NUP153: variants seen among roughly 807,000 people sequenced by gnomAD.
The protein encoded by NUP153 is nucleoporin 153, also known as nuclear pore complex protein Nup153.
In NUP153, 27 loss-of-function variants were observed where a neutral mutation model predicts 134.6. The ratio of observed to expected loss-of-function variants is 0.20; its 90% CI spans 0.15 to 0.28. The LOEUF (loss-of-function observed/expected upper bound fraction) is 0.28, where lower values mean the gene tolerates loss of function less well. Ranked by LOEUF, NUP153 falls within the 10% of genes least tolerant of loss-of-function variation. The pLI is 1.00. For missense variants in NUP153, 1,821 were observed against 1,731.3 expected (o/e 1.05, Z -0.92); for synonymous variants, 640 against 623.5 (o/e 1.03, Z -0.40).
chr6:17,619,020 T>C (rs1451973436), intron 20 of NUP153, among the ~76,000 whole-genome samples: 1 of 152,032 alleles, frequency 6.6e-6, no homozygotes, highest in Non-Finnish European at 1.5e-5. Context: ...CAAAAGAGCA[T>C]GCTGCACTCC....
chr6:17,674,854 G>C, intron 5 of NUP153, 51 bp downstream of exon 5: 1 of 1,372,712 alleles, frequency 7.3e-7, no homozygotes, highest in Non-Finnish European at 9.8e-7. Flanking sequence ...TCCAGTTAAA[G>C]TGTAAAAAAA....
chr6:17,621,086 A>G (rs1764621018), intron 20 of NUP153, among the ~76,000 whole-genome samples: 1 of 152,216 alleles, frequency 6.6e-6, no homozygotes, highest in African/African-American at 2.4e-5. Flanking sequence ...TTAAAACACA[A>G]CACACAAATG....
In NUP153 at chr6:17,675,428, A is replaced by C; in HGVS notation, c.584-60T>G. The C allele has an allele frequency of 6.4e-7, 1 of 1,565,204 alleles. No homozygotes were observed. Among genetic ancestry groups the C allele is most frequent in the Non-Finnish European group, 8.7e-7 (1 of 1,155,898 alleles). On this transcript the variant is annotated intron_variant, in intron 3 of 21. Transcript: ENST00000262077. The surrounding 1 kb of genome is among the most constrained non-coding windows in gnomAD (Gnocchi z 4.4). ...CCAATACAAGAGCCTAGATTTTTAT[A>C]AATAGAAAATAAAAATTACAACCAA...
chr6:17,672,327 G>C (rs757540672), intron 5 of NUP153, among the ~76,000 whole-genome samples: 1 of 152,096 alleles, frequency 6.6e-6, no homozygotes, highest in African/African-American at 2.4e-5. Context: ...CTTGTAATCC[G>C]AACACTTTGG....
At chr6:17,647,960 A>T (rs1766294309) in intron 12 of NUP153, 55 bp from the exon 13 acceptor site, 1 of 1,143,952 alleles carries the variant, frequency 8.7e-7, no homozygotes, top group Admixed American at 1.9e-5. Flanking sequence ...AGAAAAATAA[A>T]GTGACAAAAA....
At chr6:17,621,884 A>C (rs1476730172) in intron 20 of NUP153, among the ~76,000 whole-genome samples, 4 of 152,242 alleles carry the variant, frequency 2.6e-5, no homozygotes, top group Non-Finnish European at 5.9e-5. Flanking sequence ...TGGATATCCT[A>C]AATGCCCTAA....
chr6:17,615,950 TAACGA>T lies in NUP153; in HGVS notation c.*142_*146del, dbSNP rs1453559421. ...TGGGTGAGGCAGGGTGGGGCTTCTG[TAACGA>T]AAGAGAAAGGAGGAAAATTCCAAAA... On this transcript the variant is annotated 3_prime_UTR_variant, in exon 22 of 22. Coordinates refer to ENST00000262077, the MANE Select transcript of NUP153 (RefSeq NM_005124.4). This position sits in a 1 kb window ranked among gnomAD's most constrained non-coding sequence, Gnocchi z 5.7. 1 of 550,924 alleles carries T rather than the reference TAACGA, an allele frequency of 1.8e-6. No individual in the cohort carries two copies. Among genetic ancestry groups the T allele is most frequent in the Non-Finnish European group, 3.2e-6 (1 of 314,188 alleles). The allele number at this position is 550,924 out of a possible 1,614,324, so 34.1% of individuals were successfully genotyped here.
In NUP153 at chr6:17,628,004, A is replaced by G. The variant is rs557086602; in HGVS notation, c.3544+651T>C. On this transcript the variant is annotated intron_variant, in intron 18 of 21. Coordinates refer to ENST00000262077, the MANE Select transcript of NUP153 (RefSeq NM_005124.4). This position sits in a 1 kb window ranked among gnomAD's most constrained non-coding sequence, Gnocchi z 5.4. ...TATCCCAAAGGAACTTGTGGATCTA[A>G]CTTGGATCACTCTTTGTACTGGTGC... 2.6e-5 allele frequency among the ~76,000 whole-genome samples: 4 copies of G among 152,340 alleles called. No homozygotes were observed. The East Asian group carries it at 5.8e-4, about 22-fold the overall frequency.
In NUP153 at chr6:17,615,409, A is replaced by G. The variant is rs1764261692; in HGVS notation, c.*688T>C. ...AGTTCACAGATTTATGTTATGCCAA[A>G]AAGTACAGAAACAAAATTGTATTTA... On this transcript the variant is annotated 3_prime_UTR_variant, in exon 22 of 22. Coordinates refer to ENST00000262077, the MANE Select transcript of NUP153 (RefSeq NM_005124.4). This position sits in a 1 kb window ranked among gnomAD's most constrained non-coding sequence, Gnocchi z 5.7. 6.6e-6 allele frequency: 1 copy of G among 152,654 alleles called. No individual in the cohort carries two copies. Among genetic ancestry groups the G allele is most frequent in the African/African-American group, 2.4e-5 (1 of 41,464 alleles). The allele number at this position is 152,654 out of a possible 1,614,324, so 9.5% of individuals were successfully genotyped here.
chr6:17,677,235 C>A (rs1768273120), intron 2 of NUP153, among the ~76,000 whole-genome samples: 1 of 152,134 alleles, frequency 6.6e-6, no homozygotes, highest in Admixed American at 6.6e-5. Flanking sequence ...TAATACAGCA[C>A]AAAACTACAT....
intron 2 of NUP153, among the ~76,000 whole-genome samples, 179 bp downstream of exon 2, chr6:17,688,217 C>G (rs1286875010): frequency 1.3e-5 from 2 of 152,180 alleles, no homozygotes; most frequent in East Asian, 1.9e-4. Context: ...AGTTTATCAA[C>G]CTTCCTTAAT....
intron 1 of NUP153, among the ~76,000 whole-genome samples, 176 bp from the exon 2 acceptor site, chr6:17,688,794 ATTCT>A (rs1298733322): frequency 6.6e-6 from 1 of 152,142 alleles, no homozygotes. Context: ...CAGATGTGAA[ATTCT>A]TTCTTTCTTC....
At position 17,651,744 on chromosome 6, in the gene NUP153, G is replaced by T. The variant is rs1766503390; in HGVS notation, c.1396-2444C>A. ...TAATATTAAAAGGACAAATCACTATGGAGCCATAGAATAAATGTAAAGTGT... is the reference window on the plus strand; with the variant it reads ...TAATATTAAAAGGACAAATCACTATTGAGCCATAGAATAAATGTAAAGTGT... On this transcript the variant is annotated intron_variant, in intron 11 of 21. Coordinates refer to ENST00000262077, the MANE Select transcript of NUP153 (RefSeq NM_005124.4). 1.2e-5 allele frequency: 5 copies of T among 418,340 alleles called. No individual in the cohort carries two copies. The East Asian group carries it at 1.7e-4, about 14-fold the overall frequency. The allele number at this position is 418,340 out of a possible 1,614,324, so 25.9% of individuals were successfully genotyped here. A position where few individuals can be genotyped will look rare whatever the true frequency, so the allele number is the denominator to read the frequency against.
At chr6:17,678,415 A>ACAT (rs1447447884) in intron 2 of NUP153, among the ~76,000 whole-genome samples, 1 of 151,856 alleles carries the variant, frequency 6.6e-6, no homozygotes, top group Non-Finnish European at 1.5e-5. Context: ...ATGTTAAGGA[A>ACAT]GTAACAGTTT....
rs1413702389 is a variant in NUP153 at position 17,646,126 on chromosome 6, G to A, written c.1661C>T (p.Ala554Val). 6.3e-7 allele frequency: 1 copy of A among 1,597,680 alleles called. No individual in the cohort carries two copies. Among genetic ancestry groups the A allele is most frequent in the South Asian group, 1.1e-5 (1 of 90,576 alleles). ...AGAACCAGAAAGTTCTGCTGTTTTTGCAACAGGCACACTAAATGTAAATCC... is the reference window on the plus strand; with the variant it reads ...AGAACCAGAAAGTTCTGCTGTTTTTACAACAGGCACACTAAATGTAAATCC... ...SIGFTFSVPV[A>V]KTAELSGSSS... The change falls in exon 14 of 22, where the codon GCA becomes GTA. Residue 554 changes from alanine (A) to valine (V), a missense_variant. Physicochemically the swap from Ala to Val is moderately conservative, Grantham distance 64 (BLOSUM62 0). Coordinates refer to ENST00000262077, the MANE Select transcript of NUP153 (RefSeq NM_005124.4).
At chr6:17,682,138 C>T (rs767044345) in intron 2 of NUP153, among the ~76,000 whole-genome samples, 1 of 152,122 alleles carries the variant, frequency 6.6e-6, no homozygotes, top group Non-Finnish European at 1.5e-5. Context: ...GTGAGTCACA[C>T]ACGTTTTTGG....
intron 1 of NUP153, among the ~76,000 whole-genome samples, chr6:17,699,481 C>CAAA (rs147055009): frequency 0.022 from 2,150 of 97,484 alleles, 40 homozygotes; most frequent in Non-Finnish European, 0.031. Flanking sequence ...AGACTCGTCT[C>CAAA]AAAAAAAAAA....
chr6:17,705,188 G>A lies in NUP153; in HGVS notation c.111+1089C>T, dbSNP rs146309521. On this transcript the variant is annotated intron_variant, in intron 1 of 21. Coordinates refer to ENST00000262077, the MANE Select transcript of NUP153 (RefSeq NM_005124.4). The stretch of plus-strand genomic sequence containing the variant: ...GTCTACCTTTAACAGTAGGCAACAA[G>A]TTATCAGATCCTTTTGCTACACTTT... Among the ~76,000 whole-genome samples, 344 of 152,324 alleles carry A rather than the reference G, an allele frequency of 2.3e-3. 3 individuals carry two copies. Among genetic ancestry groups the A allele is most frequent in the African/African-American group, 8.1e-3 (335 of 41,576 alleles).
chr6:17,626,954 A>G (rs938854180), intron 18 of NUP153, among the ~76,000 whole-genome samples: 2 of 152,242 alleles, frequency 1.3e-5, no homozygotes, highest in Non-Finnish European at 2.9e-5. Flanking sequence ...TTTATAAAAT[A>G]CAAGTTAGAA....
Sources: gnomAD v4.1 joint callset for allele counts (sites outside exome capture counted in the v4.1 genomes callset) on GRCh38, gnomAD v4.1.1 for gene constraint, Gnocchi (gnomAD v3.1) non-coding constraint, MANE v1.5 for transcripts, NCBI Gene and HGNC (gene_info 2026-07-23, HGNC 2026-07-21) for gene names.